CACNB1: variants seen among roughly 807,000 people sequenced by gnomAD.
CACNB1 encodes the protein voltage-dependent L-type calcium channel subunit beta-1.
Under a neutral mutation model 71.6 loss-of-function variants are expected in CACNB1, and 29 were observed. The observed-to-expected ratio is 0.40, with a 90% CI of 0.30 to 0.55. The LOEUF (loss-of-function observed/expected upper bound fraction) is 0.55, where lower values mean the gene tolerates loss of function less well. Among genes scored for constraint, CACNB1 ranks in the 20% least tolerant of loss-of-function variants. The pLI, the probability that CACNB1 is intolerant of heterozygous loss-of-function variation, is 0.38. For synonymous variants in CACNB1, 300 were observed against 319.6 expected (o/e 0.94, Z 0.65); for missense variants, 623 against 801.8 (o/e 0.78, Z 2.69).
At chr17:39,184,922 C>T in intron 7 of CACNB1, 58 bp from the exon 8 acceptor site, 1 of 1,259,388 alleles carries the variant, frequency 7.9e-7, no homozygotes, top group Non-Finnish European at 1.2e-6. Flanking sequence ...AGATCCTCTC[C>T]CCCAGACTCC....
rs1164315966 is a variant in CACNB1 at position 39,186,862 on chromosome 17, C to T, written c.482G>A (p.Ser161Asn). 2 of 1,614,166 alleles carry T rather than the reference C, an allele frequency of 1.2e-6. No individual in the cohort carries two copies. Among genetic ancestry groups the T allele is most frequent in the Non-Finnish European group, 1.7e-6 (2 of 1,179,988 alleles). Residue 161 changes from serine (S) to asparagine (N), a missense_variant, in exon 5 of 14, where the codon AGC (serine) becomes AAC (asparagine). Ser to Asn is a conservative substitution (Grantham distance 46). Transcript: ENST00000394303. This position sits in a 1 kb window ranked among gnomAD's most constrained non-coding sequence, Gnocchi z 4.1. ...GCGAAGGCTGTCCAGTTTGACGGGG[C>T]TGGGAATGAAGCCAACCTCACAGCC... ...KEGCEVGFIP[S>N]PVKLDSLRLL...
chr17:39,185,481 C>T (rs2045911737), intron 6 of CACNB1, among the ~76,000 whole-genome samples: 1 of 152,058 alleles, frequency 6.6e-6, no homozygotes, highest in Admixed American at 6.5e-5. Flanking sequence ...ATCTTGTTGC[C>T]CATCTCCTGC....
chr17:39,192,006 C>T (rs1597715125), intron 2 of CACNB1: 1 of 224,004 alleles, frequency 4.5e-6, no homozygotes, highest in Admixed American at 6.3e-5. Context: ...CCAGGGACTG[C>T]AGCCACCAGC....
intron 3 of CACNB1, among the ~76,000 whole-genome samples, chr17:39,188,074 C>CACTTGAGACCAGG (rs369308676): frequency 6.6e-6 from 1 of 151,652 alleles, no homozygotes; most frequent in Non-Finnish European, 1.5e-5. Flanking sequence ...GCAGGTGGAT[C>CACTTGAGACCAGG]GTTTGAGACC....
Position 39,197,460 on chromosome 17 carries a change from G to C in CACNB1, c.36C>G (p.Tyr12Ter). Residue 12 changes from tyrosine to a stop codon, truncating the protein, a stop_gained, in exon 1 of 14, where the codon TAC becomes TAG. Transcript: ENST00000394303. LOFTEE classifies it high-confidence loss of function. Reference sequence around the variant, plus strand: ...CCATGGGGATCTCCTGGGAGGGTGGGTAAGGGCCCCGGGACATGCTGGTCT... The same window carrying C: ...CCATGGGGATCTCCTGGGAGGGTGGCTAAGGGCCCCGGGACATGCTGGTCT... Reference protein sequence around the residue: ...VQKTSMSRGPYPPSQEIPMEV... With the variant: ...VQKTSMSRGP 4 of 1,486,100 alleles carry C rather than the reference G, an allele frequency of 2.7e-6. No individual in the cohort carries two copies. Among genetic ancestry groups the C allele is most frequent in the Non-Finnish European group, 3.6e-6 (4 of 1,122,736 alleles). The allele number at this position is 1,486,100 out of a possible 1,614,324, so 92.1% of individuals were successfully genotyped here.
At position 39,175,086 on chromosome 17, in the gene CACNB1, A is replaced by T; in HGVS notation, c.*107T>A. ...GCTTTGAGCAAAGGCATCTGAAAGG[A>T]GGGAGACAGCGCCCCCTGGAGGCGA... is the stretch of plus-strand genomic sequence containing the variant. On this transcript the variant is annotated 3_prime_UTR_variant, in exon 14 of 14. Coordinates refer to ENST00000394303, the MANE Select transcript of CACNB1 (RefSeq NM_000723.5). This position sits in a 1 kb window ranked among gnomAD's most constrained non-coding sequence, Gnocchi z 4.7. 1.1e-6 allele frequency: 1 copy of T among 913,566 alleles called. No homozygotes were observed. The highest frequency in any genetic ancestry group is 2.4e-5 in the East Asian group (1 of 41,268). The allele number at this position is 913,566 out of a possible 1,614,324, so 56.6% of individuals were successfully genotyped here. A position where few individuals can be genotyped will look rare whatever the true frequency, so the allele number is the denominator to read the frequency against.
chr17:39,194,076 C>T lies in CACNB1; in HGVS notation c.171+808G>A, dbSNP rs72823343. On this transcript the variant is annotated intron_variant, in intron 2 of 13. Transcript: ENST00000394303. The surrounding 1 kb of genome is among the most constrained non-coding windows in gnomAD (Gnocchi z 4.6). ...CTGTGCTGTCTTCTGCCCTCAAATG[C>T]CCTGCCCATTTCCTCTTCAATACAC... 0.031 allele frequency among the ~76,000 whole-genome samples: 4,650 copies of T among 152,238 alleles called. 117 individuals are homozygous for T. The highest frequency in any genetic ancestry group is 0.065 in the Middle Eastern group (19 of 294).
chr17:39,190,438 T>C (rs920558126), intron 3 of CACNB1, among the ~76,000 whole-genome samples: 3 of 152,122 alleles, frequency 2.0e-5, no homozygotes, highest in Non-Finnish European at 1.5e-5. Flanking sequence ...TTTATTATTA[T>C]GTTTTTTGAG....
chr17:39,175,831 A>T lies in CACNB1; in HGVS notation c.1333-174T>A, dbSNP rs1006796776. Among the ~76,000 whole-genome samples, 1 of 152,006 alleles carries T rather than the reference A, an allele frequency of 6.6e-6. No homozygotes were observed. The highest frequency in any genetic ancestry group is 6.6e-5 in the Admixed American group (1 of 15,242). On this transcript the variant is annotated intron_variant, in intron 13 of 13. Transcript: ENST00000394303. This position sits in a 1 kb window ranked among gnomAD's most constrained non-coding sequence, Gnocchi z 4.7. Reference sequence around the variant, plus strand: ...GCTCTGGAGCCCAGCCAGAGGACAGACCTCAGGGCATTTGCTCCTCTCTCG... The same window carrying T: ...GCTCTGGAGCCCAGCCAGAGGACAGTCCTCAGGGCATTTGCTCCTCTCTCG...
intron 2 of CACNB1, chr17:39,192,960 T>C (rs1433256238): frequency 6.5e-6 from 1 of 153,412 alleles, no homozygotes; most frequent in Non-Finnish European, 1.5e-5. Context: ...CTCTCCCCCC[T>C]GATGGGAGCA....
intron 3 of CACNB1, among the ~76,000 whole-genome samples, chr17:39,189,379 AAATAAT>A (rs778215318): frequency 6.6e-6 from 1 of 151,118 alleles, no homozygotes; most frequent in East Asian, 1.9e-4. Flanking sequence ...AAATAAAATA[AAATAAT>A]AATAATAATA....
At position 39,194,920 on chromosome 17, in the gene CACNB1, C is replaced by T. The variant is rs756904757; in HGVS notation, c.135G>A (p.Thr45=). 10 of 1,613,222 alleles carry T rather than the reference C, an allele frequency of 6.2e-6. No individual in the cohort carries two copies. The African/African-American group carries it at 6.7e-5, about 11-fold the overall frequency. ...KGRFKRSDGS[T]SSDTTSNSFV... ...AGCTGTTGGATGTGGTATCCGAGGA[C>T]GTGCTCCCATCTGACCGTTTGAATC... Residue 45 remains threonine (T), a synonymous_variant, in exon 2 of 14, where the codon ACG becomes ACA. Transcript: ENST00000394303. The surrounding 1 kb of genome is among the most constrained non-coding windows in gnomAD (Gnocchi z 4.6).
At position 39,174,855 on chromosome 17, in the gene CACNB1, G is replaced by A. The variant is rs7207564; in HGVS notation, c.*338C>T. On this transcript the variant is annotated 3_prime_UTR_variant, in exon 14 of 14. Coordinates refer to ENST00000394303, the MANE Select transcript of CACNB1 (RefSeq NM_000723.5). ...AAGGAGAGCCATCCCACTTAGGACC[G>A]TCACTTAGGGCCCCGAGTAGAAAGA... is the stretch of plus-strand genomic sequence containing the variant. The A allele has an allele frequency of 6.2e-3, 1,510 of 243,776 alleles. 21 individuals carry two copies. The highest frequency in any genetic ancestry group is 0.03 in the African/African-American group (1,309 of 44,206). 15.1% of individuals were successfully genotyped at this position (243,776 alleles called of 1,614,324 possible). A position where few individuals can be genotyped will look rare whatever the true frequency, so the allele number is the denominator to read the frequency against.
chr17:39,184,005 A>C, intron 10 of CACNB1, 26 bp downstream of exon 10: 3 of 1,529,848 alleles, frequency 2.0e-6, no homozygotes, highest in Non-Finnish European at 2.7e-6. Flanking sequence ...AGAAAGGGGG[A>C]GTGAAGACAG....
chr17:39,194,968 G>T lies in CACNB1; in HGVS notation c.87C>A (p.Gly29=). ...PMEVFDPSPQ[G]KYSKRKGRFK... ...ATCGCCCTTTCCTCTTGCTGTATTT[G>T]CCCTGAAGAGGCCAGGAAAGGAACA... The change falls in exon 2 of 14, where the codon GGC becomes GGA. Residue 29 remains glycine, a splice_region_variant and synonymous_variant. Transcript: ENST00000394303. The surrounding 1 kb of genome is among the most constrained non-coding windows in gnomAD (Gnocchi z 4.6). The T allele has an allele frequency of 3.7e-6, 6 of 1,607,840 alleles. No homozygotes were observed. Among genetic ancestry groups the T allele is most frequent in the Non-Finnish European group, 5.1e-6 (6 of 1,175,232 alleles).
At chr17:39,192,854 C>T (rs541432246) in intron 2 of CACNB1, 1 of 152,178 alleles carries the variant, frequency 6.6e-6, no homozygotes, top group East Asian at 1.9e-4. Flanking sequence ...AAATGGGAGA[C>T]CCGCGGAGGA....
rs1055142603 is a variant in CACNB1, at chr17:39,186,145, G to A, written c.628+351C>T. 19 of 1,574,634 alleles carry A rather than the reference G, an allele frequency of 1.2e-5. No homozygotes were observed. The highest frequency in any genetic ancestry group is 1.7e-5 in the Non-Finnish European group (19 of 1,146,524). ...AGGAGAGAGGGAGGAGGGAGGCGAG[G>A]TGGGGAGAAGGAGTGAGATGAACGT... On this transcript the variant is annotated intron_variant, in intron 6 of 13. Transcript: ENST00000394303. The surrounding 1 kb of genome is among the most constrained non-coding windows in gnomAD (Gnocchi z 4.1).
chr17:39,175,980 GCTAA>G lies in CACNB1; in HGVS notation c.1333-327_1333-324del, dbSNP rs1243890333. On this transcript the variant is annotated intron_variant, in intron 13 of 13. Coordinates refer to ENST00000394303, the MANE Select transcript of CACNB1 (RefSeq NM_000723.5). The surrounding 1 kb of genome is among the most constrained non-coding windows in gnomAD (Gnocchi z 4.7). ...TGCAGGTCATTAATGCTATCTTGGG[GCTAA>G]CTGTCATTAACAGCTCAGTATTGCC... is the stretch of plus-strand genomic sequence containing the variant. Among the ~76,000 whole-genome samples, 11 of 152,296 alleles carry G rather than the reference GCTAA, an allele frequency of 7.2e-5. No individual in the cohort carries two copies. The highest frequency in any genetic ancestry group is 2.6e-4 in the Admixed American group (4 of 15,302).
chr17:39,175,479 G>T lies in CACNB1; in HGVS notation c.1511C>A (p.Thr504Asn). The T allele has an allele frequency of 6.2e-7, 1 of 1,614,162 alleles. No homozygotes were observed. Among genetic ancestry groups the T allele is most frequent in the Non-Finnish European group, 8.5e-7 (1 of 1,180,050 alleles). ...GTAGGCAGAGTTTCGGCTGCCGGGGGTGTCGGCATCAAAAGTGTCTTGGCG... is the reference window on the plus strand; with the variant it reads ...GTAGGCAGAGTTTCGGCTGCCGGGGTTGTCGGCATCAAAAGTGTCTTGGCG... ...LSRQDTFDAD[T>N]PGSRNSAYTE... is the part of the protein sequence containing the mutation. The change falls in exon 14 of 14, where the codon ACC becomes AAC. Residue 504 changes from threonine to asparagine, a missense_variant. Physicochemically the swap from Thr to Asn is moderately conservative, Grantham distance 65. Transcript: ENST00000394303. The surrounding 1 kb of genome is among the most constrained non-coding windows in gnomAD (Gnocchi z 4.7).
Sources: allele counts gnomAD v4.1 joint callset (sites outside exome capture counted in the v4.1 genomes callset), GRCh38; gene constraint gnomAD v4.1.1; non-coding constraint Gnocchi (gnomAD v3.1); transcripts MANE v1.5; gene names NCBI Gene and HGNC (gene_info 2026-07-23, HGNC 2026-07-21).